The following SNX7 variants were observed in gnomAD, a reference collection of about 807,000 sequenced individuals.
The protein encoded by SNX7 is sorting nexin-7.
In SNX7, 35 loss-of-function variants were observed where a neutral mutation model predicts 48.4. The ratio of observed to expected loss-of-function variants is 0.72; its 90% CI spans 0.55 to 0.96. SNX7 has a LOEUF of 0.96. Among genes scored for constraint, SNX7 ranks in the 40% least tolerant of loss-of-function variants. The probability of loss-of-function intolerance (pLI) is 0.00; values close to 1 mark genes in which losing one functional copy is unlikely to be tolerated. For synonymous variants in SNX7, 190 were observed against 190.2 expected, an observed-to-expected ratio of 1.00 and a Z score of 0.01; for missense variants, 553 against 548.9, an observed-to-expected ratio of 1.01 and a Z score of -0.07.
chr1:98,663,080 A>G (rs2100893864), intron 1 of SNX7, among the ~76,000 whole-genome samples: 1 of 152,282 alleles, frequency 6.6e-6, no homozygotes, highest in East Asian at 1.9e-4. Context: ...TATATTCCAC[A>G]CATACTTCAT....
intron 2 of SNX7, among the ~76,000 whole-genome samples, chr1:98,687,201 C>T (rs148177187): frequency 1.3e-3 from 194 of 152,130 alleles, no homozygotes; most frequent in Non-Finnish European, 2.2e-3. Context: ...ACGAGGACAC[C>T]GAAACTTAGT....
chr1:98,668,255 C>T (rs1649649081), intron 1 of SNX7, among the ~76,000 whole-genome samples: 1 of 152,152 alleles, frequency 6.6e-6, no homozygotes, highest in Admixed American at 6.5e-5. Context: ...AACCAGTATA[C>T]ACAAATGACA....
intron 7 of SNX7, among the ~76,000 whole-genome samples, chr1:98,710,910 C>T (rs745818106): frequency 2.0e-5 from 3 of 152,102 alleles, no homozygotes; most frequent in Non-Finnish European, 2.9e-5. Flanking sequence ...GATGAATTAA[C>T]GTTTATATAT....
chr1:98,661,727 T>C lies in SNX7; in HGVS notation c.-5T>C, dbSNP rs1649225795. The C allele has an allele frequency of 1.6e-6, 2 of 1,222,544 alleles. No homozygotes were observed. Among genetic ancestry groups the C allele is most frequent in the East Asian group, 3.3e-5 (1 of 30,524 alleles). The allele number at this position is 1,222,544 out of a possible 1,614,324, so 75.7% of individuals were successfully genotyped here. On this transcript the variant is annotated 5_prime_UTR_variant, in exon 1 of 9. Transcript: ENST00000306121. The stretch of plus-strand genomic sequence containing the variant: ...GTGGCGGCCGGCTGGGCGCGCACTC[T>C]CGGGATGGAGGGCGAGCGCCGGGCA...
intron 8 of SNX7, among the ~76,000 whole-genome samples, chr1:98,752,099 C>T (rs1254254145): frequency 6.6e-6 from 1 of 152,056 alleles, no homozygotes; most frequent in East Asian, 1.9e-4. Context: ...AAAATACTAA[C>T]TTATAAGCAA....
At chr1:98,699,380 T>C (rs9433890) in intron 6 of SNX7, among the ~76,000 whole-genome samples, 133,898 of 152,182 alleles carry the variant, frequency 0.88, 60,103 homozygotes, top group Non-Finnish European at 0.96. Flanking sequence ...AGTTAAAATG[T>C]TTTTCTTTCA....
At chr1:98,717,636 A>G (rs1652659575) in intron 7 of SNX7, among the ~76,000 whole-genome samples, 1 of 152,240 alleles carries the variant, frequency 6.6e-6, no homozygotes, top group Admixed American at 6.6e-5. Flanking sequence ...GTGACTTGAA[A>G]TATTTTATTA....
chr1:98,695,689 T>C lies in SNX7; in HGVS notation c.811T>C (p.Ser271Pro), dbSNP rs1371599952. ...SQKINLIDKI[S>P]QRIYKEEREY... is the part of the protein sequence containing the mutation. ...GAAAATAAATTTGATAGATAAAATA[T>C]CTCAGAGAATTTATAAGGAAGAAAG... Residue 271 changes from serine (S) to proline (P), a missense_variant, in exon 5 of 9, where the codon TCT (serine) becomes CCT (proline). Coordinates refer to ENST00000306121, the MANE Select transcript of SNX7 (RefSeq NM_015976.5). The C allele has an allele frequency of 6.3e-7, 1 of 1,581,652 alleles. No individual in the cohort carries two copies. The highest frequency in any genetic ancestry group is 1.3e-5 in the African/African-American group (1 of 74,388).
chr1:98,674,762 G>C (rs1453850903), intron 1 of SNX7, among the ~76,000 whole-genome samples: 2 of 152,140 alleles, frequency 1.3e-5, no homozygotes, highest in African/African-American at 4.8e-5. Flanking sequence ...ATTTATTTCA[G>C]TTAAGTTATT....
At chr1:98,682,994 C>T (rs2100936294) in intron 1 of SNX7, among the ~76,000 whole-genome samples, 1 of 152,158 alleles carries the variant, frequency 6.6e-6, no homozygotes, top group South Asian at 2.1e-4. Flanking sequence ...TTTTATATTG[C>T]TATCATATTT....
intron 7 of SNX7, among the ~76,000 whole-genome samples, chr1:98,719,232 C>T (rs899124370): frequency 6.6e-6 from 1 of 152,012 alleles, no homozygotes; most frequent in Non-Finnish European, 1.5e-5. Context: ...TATTGCCTGG[C>T]CCATAGGAAG....
chr1:98,679,075 C>CTAT (rs1371331015), intron 1 of SNX7, among the ~76,000 whole-genome samples: 2 of 152,060 alleles, frequency 1.3e-5, no homozygotes, highest in Non-Finnish European at 2.9e-5. Flanking sequence ...AAGACATAAC[C>CTAT]AAGACTGGGC....
At chr1:98,683,437 T>G (rs1240727767) in intron 1 of SNX7, among the ~76,000 whole-genome samples, 3 of 152,026 alleles carry the variant, frequency 2.0e-5, no homozygotes, top group Non-Finnish European at 2.9e-5. Flanking sequence ...CACCCAGAAT[T>G]CATACATAGA....
chr1:98,704,243 A>T (rs1402851242), intron 7 of SNX7, among the ~76,000 whole-genome samples: 1 of 152,206 alleles, frequency 6.6e-6, no homozygotes, highest in African/African-American at 2.4e-5. Flanking sequence ...TAGCTGCTAC[A>T]TTGTAAGACT....
intron 8 of SNX7, among the ~76,000 whole-genome samples, chr1:98,751,743 G>A (rs1310769474): frequency 6.6e-6 from 1 of 152,092 alleles, no homozygotes; most frequent in Non-Finnish European, 1.5e-5. Flanking sequence ...AAAAAACACA[G>A]TACTGCACTA....
chr1:98,663,095 A>T (rs1332854592), intron 1 of SNX7, among the ~76,000 whole-genome samples: 4 of 152,162 alleles, frequency 2.6e-5, no homozygotes, highest in African/African-American at 9.7e-5. Context: ...CTTCATGTTC[A>T]GATCAACGAC....
rs957084979 is a variant in SNX7, at chr1:98,698,637, C to T, written c.839-69C>T. On this transcript the variant is annotated intron_variant, in intron 5 of 8. Coordinates refer to ENST00000306121, the MANE Select transcript of SNX7 (RefSeq NM_015976.5). ...GAGAGAAATAAGGCCCTTTCTTACTCTCTAGGATACAGGTATTTTGAAAAC... is the reference window on the plus strand; with the variant it reads ...GAGAGAAATAAGGCCCTTTCTTACTTTCTAGGATACAGGTATTTTGAAAAC... The T allele has an allele frequency of 2.1e-6, 3 of 1,397,340 alleles. No individual in the cohort carries two copies. In the African/African-American group the frequency reaches 4.4e-5, roughly 20 times the overall value. 86.6% of individuals were successfully genotyped at this position (1,397,340 alleles called of 1,614,324 possible). A position where few individuals can be genotyped will look rare whatever the true frequency, so the allele number is the denominator to read the frequency against.
intron 7 of SNX7, among the ~76,000 whole-genome samples, chr1:98,728,372 A>G (rs1653305547): frequency 6.6e-6 from 1 of 152,114 alleles, no homozygotes; most frequent in South Asian, 2.1e-4. Flanking sequence ...GCCTTGCAAG[A>G]GCTACTGAAG....
chr1:98,719,402 C>G (rs1652749833), intron 7 of SNX7, among the ~76,000 whole-genome samples: 1 of 152,072 alleles, frequency 6.6e-6, no homozygotes, highest in African/African-American at 2.4e-5. Flanking sequence ...GTTGCCTCCT[C>G]AAAAGTGAAA....
Sources: allele counts gnomAD v4.1 joint callset (sites outside exome capture counted in the v4.1 genomes callset), GRCh38; gene constraint gnomAD v4.1.1; transcripts MANE v1.5; gene names NCBI Gene and HGNC (gene_info 2026-07-23, HGNC 2026-07-21).